The following MYBL2 variants were observed in gnomAD, a reference collection of about 807,000 sequenced individuals.
MYBL2 encodes the protein myb-related protein B.
Under a neutral mutation model 79.9 loss-of-function variants are expected in MYBL2, and 28 were observed. That is an observed-to-expected ratio of 0.35 (90% CI 0.26 to 0.48). The LOEUF (loss-of-function observed/expected upper bound fraction) is 0.48. Ranked by LOEUF, MYBL2 falls within the 20% of genes least tolerant of loss-of-function variation. The pLI is 0.99. For missense variants in MYBL2, 735 were observed against 893.9 expected, an observed-to-expected ratio of 0.82 and a Z score of 2.27; for synonymous variants, 378 against 361.2, an observed-to-expected ratio of 1.05 and a Z score of -0.53.
chr20:43,676,794 T>C (rs147119429), intron 2 of MYBL2, among the ~76,000 whole-genome samples: 62 of 152,308 alleles, frequency 4.1e-4, no homozygotes, highest in African/African-American at 1.4e-3. Flanking sequence ...TTTTTCTTAG[T>C]GTCTTCAGTT....
chr20:43,705,159 G>T, intron 8 of MYBL2, 60 bp from the exon 9 acceptor site: 1 of 1,580,030 alleles, frequency 6.3e-7, no homozygotes. Context: ...ATCCCCTGAG[G>T]TCTCAGGGAT....
intron 5 of MYBL2, 135 bp from the exon 6 acceptor site, chr20:43,692,022 A>G (rs1429000769): frequency 1.3e-6 from 1 of 757,056 alleles, no homozygotes. Flanking sequence ...CTTGGAACTG[A>G]AAGAGACCTT....
chr20:43,670,681 C>T (rs1986833442), intron 1 of MYBL2, among the ~76,000 whole-genome samples: 1 of 152,058 alleles, frequency 6.6e-6, no homozygotes, highest in African/African-American at 2.4e-5. Flanking sequence ...TTCCCATGTG[C>T]TATGGAAGTA....
At chr20:43,677,449 A>G (rs564096101) in intron 2 of MYBL2, among the ~76,000 whole-genome samples, 168 of 152,340 alleles carry the variant, frequency 1.1e-3, no homozygotes, top group Admixed American at 3.3e-3. Context: ...TGAGCTAAGG[A>G]TGAGGATTTG....
intron 6 of MYBL2, among the ~76,000 whole-genome samples, chr20:43,696,687 T>A (rs1455486814): frequency 6.6e-6 from 1 of 152,302 alleles, no homozygotes; most frequent in Non-Finnish European, 1.5e-5. Context: ...GCTATAATGA[T>A]CATCATTGTT....
At chr20:43,686,621 A>G (rs1425722921) in intron 4 of MYBL2, among the ~76,000 whole-genome samples, 1 of 152,116 alleles carries the variant, frequency 6.6e-6, no homozygotes, top group Non-Finnish European at 1.5e-5. Context: ...CTTGGCCTAG[A>G]TTTATTCCAG....
rs950811285 is a variant in MYBL2 at position 43,667,245 on chromosome 20, C to CGGCG, written c.-30_-27dup. ...GCCCGGCTCCCGCTCCGGGCTCTGC[C>CGGCG]GGCGGGCGGGCGAGCGCGGCGCGGT... On this transcript the variant is annotated 5_prime_UTR_variant, in exon 1 of 14. Transcript: ENST00000217026. 4.1e-6 allele frequency: 5 copies of CGGCG among 1,210,792 alleles called. No individual in the cohort carries two copies. Among genetic ancestry groups the CGGCG allele is most frequent in the African/African-American group, 3.2e-5 (2 of 63,338 alleles). 75.0% of individuals were successfully genotyped at this position (1,210,792 alleles called of 1,614,324 possible). A position where few individuals can be genotyped will look rare whatever the true frequency, so the allele number is the denominator to read the frequency against.
intron 6 of MYBL2, 45 bp from the exon 7 acceptor site, chr20:43,699,712 C>T: frequency 6.2e-7 from 1 of 1,600,340 alleles, no homozygotes; most frequent in Non-Finnish European, 8.5e-7. Context: ...ACTATATAGT[C>T]TATATCTCAG....
In MYBL2 at chr20:43,702,752, C is replaced by T; in HGVS notation, c.1214C>T (p.Thr405Ile). The T allele has an allele frequency of 1.2e-6, 2 of 1,614,202 alleles. No homozygotes were observed. Residue 405 changes from threonine to isoleucine, a missense_variant, in exon 8 of 14, where the codon ACA (threonine) becomes ATA (isoleucine). This residue lies in a region of MYBL2 where 243 missense variants were observed against 327.2 expected (regional missense o/e 0.74). Coordinates refer to ENST00000217026, the MANE Select transcript of MYBL2 (RefSeq NM_002466.4). ...GAAGTCGGGGGCTCTGGCATTGGCA[C>T]ACCGCCCTCTGTGCTCAAGCGGCAG... ...STEVGGSGIG[T>I]PPSVLKRQRK...
intron 2 of MYBL2, among the ~76,000 whole-genome samples, chr20:43,679,893 A>C (rs1028242341): frequency 1.4e-5 from 2 of 138,510 alleles, no homozygotes; most frequent in Non-Finnish European, 3.1e-5. Context: ...AGCTTGGGTG[A>C]CCAAGAGAGA....
At chr20:43,671,111 G>A (rs1191800874) in intron 1 of MYBL2, among the ~76,000 whole-genome samples, 1 of 151,826 alleles carries the variant, frequency 6.6e-6, no homozygotes, top group Non-Finnish European at 1.5e-5. Flanking sequence ...TAGGACTACA[G>A]GTACATGCCA....
intron 1 of MYBL2, among the ~76,000 whole-genome samples, chr20:43,671,841 T>G (rs3117536): frequency 0.93 from 141,647 of 151,876 alleles, 66,205 homozygotes; most frequent in African/African-American, 0.97. Context: ...AAGATTGCCT[T>G]GTAGAGTAAA....
rs749689985 is a variant in MYBL2 at position 43,692,196 on chromosome 20, C to G, written c.540C>G (p.Ile180Met). The change falls in exon 6 of 14, where the codon ATC becomes ATG. Residue 180 changes from isoleucine to methionine, a missense_variant. Physicochemically the swap from Ile to Met is conservative, Grantham distance 10. Coordinates refer to ENST00000217026, the MANE Select transcript of MYBL2 (RefSeq NM_002466.4). ...NAVKNHWNST[I>M]KRKVDTGGFL... ...TGAAGAATCACTGGAACTCTACCAT[C>G]AAAAGGAAGGTGGACACAGGAGGCT... The G allele has an allele frequency of 6.2e-7, 1 of 1,614,162 alleles. No individual in the cohort carries two copies.
intron 1 of MYBL2, among the ~76,000 whole-genome samples, chr20:43,668,190 C>A (rs1371475870): frequency 1.6e-5 from 2 of 127,668 alleles, no homozygotes; most frequent in Non-Finnish European, 3.1e-5. Context: ...AACCTTCGTT[C>A]CCTCTTTTTT....
intron 9 of MYBL2, among the ~76,000 whole-genome samples, chr20:43,705,812 T>C (rs1568875461): frequency 6.6e-6 from 1 of 152,116 alleles, no homozygotes; most frequent in Non-Finnish European, 1.5e-5. Flanking sequence ...GCCATTCTCC[T>C]GCCTCAGCCT....
chr20:43,699,277 C>T (rs1987628677), intron 6 of MYBL2, among the ~76,000 whole-genome samples: 1 of 152,128 alleles, frequency 6.6e-6, no homozygotes, highest in Non-Finnish European at 1.5e-5. Context: ...AACTCTTGAC[C>T]TCAGGTGATC....
chr20:43,707,690 A>G (rs1270474113), intron 9 of MYBL2, among the ~76,000 whole-genome samples: 1 of 152,082 alleles, frequency 6.6e-6, no homozygotes, highest in African/African-American at 2.4e-5. Flanking sequence ...TCCAGCTGTT[A>G]TTCCTTTGTA....
chr20:43,715,340 C>G, intron 13 of MYBL2, 57 bp downstream of exon 13: 1 of 1,608,282 alleles, frequency 6.2e-7, no homozygotes, highest in Non-Finnish European at 8.5e-7. Flanking sequence ...TAGCTCAGGG[C>G]TGAGTGCTGG....
intron 5 of MYBL2, among the ~76,000 whole-genome samples, chr20:43,691,025 TCTC>T (rs1256383294): frequency 6.6e-6 from 1 of 152,250 alleles, no homozygotes; most frequent in Non-Finnish European, 1.5e-5. Flanking sequence ...TGTAGATGTG[TCTC>T]CTCCCTGAAT....
Sources: gnomAD v4.1 joint callset for allele counts (sites outside exome capture counted in the v4.1 genomes callset) on GRCh38, gnomAD v4.1.1 for gene constraint, gnomAD v4.1.1 regional missense constraint, MANE v1.5 for transcripts, NCBI Gene and HGNC (gene_info 2026-07-23, HGNC 2026-07-21) for gene names.